The following KCNQ4 variants were observed in gnomAD, a reference collection of about 807,000 sequenced individuals.
KCNQ4 encodes potassium voltage-gated channel subfamily Q member 4, also known as potassium voltage-gated channel subfamily KQT member 4.
Under a neutral mutation model 72.6 loss-of-function variants are expected in KCNQ4, and 31 were observed. That is an observed-to-expected ratio of 0.43 (90% CI 0.32 to 0.58). The LOEUF (loss-of-function observed/expected upper bound fraction) is 0.58, where lower values mean the gene tolerates loss of function less well. KCNQ4 is among the 20% of genes least tolerant of loss of function. The pLI, the probability that KCNQ4 is intolerant of heterozygous loss-of-function variation, is 0.08. For missense variants in KCNQ4, 869 were observed against 962.6 expected (o/e 0.90, Z 1.29); for synonymous variants, 405 against 403.7 (o/e 1.00, Z -0.04).
intron 9 of KCNQ4, among the ~76,000 whole-genome samples, 155 bp downstream of exon 9, chr1:40,824,413 G>T (rs1356326549): frequency 1.3e-5 from 2 of 152,238 alleles, no homozygotes; most frequent in Non-Finnish European, 2.9e-5. Context: ...GACAGGTACA[G>T]ACTGAGGGCC....
chr1:40,838,268 C>G, intron 13 of KCNQ4, 43 bp from the exon 14 acceptor site: 1 of 1,581,376 alleles, frequency 6.3e-7, no homozygotes, highest in Non-Finnish European at 8.7e-7. Context: ...GCCGCGTCCC[C>G]TCCGGTCCCA....
In KCNQ4 at chr1:40,838,303, GT is replaced by G. The variant is rs1017902786; in HGVS notation, c.1876-7del. ...AGGCCCTGCTTCCCAGCTGCGCCCC[GT>G]CCCCAGGTGCAGTCCATCGAGCACA... is the stretch of plus-strand genomic sequence containing the variant. On this transcript the variant is annotated splice_region_variant and splice_polypyrimidine_tract_variant and intron_variant, in intron 13 of 13. Coordinates refer to ENST00000347132, the MANE Select transcript of KCNQ4 (RefSeq NM_004700.4). 9 of 1,611,378 alleles carry G rather than the reference GT, an allele frequency of 5.6e-6. No homozygotes were observed. The African/African-American group carries it at 1.2e-4, about 22-fold the overall frequency.
Position 40,840,330 on chromosome 1 carries a change from A to G in KCNQ4, c.*1807A>G, listed in dbSNP as rs1013871276. The G allele has an allele frequency of 6.6e-6, 1 of 152,242 alleles. No homozygotes were observed. Among genetic ancestry groups the G allele is most frequent in the Non-Finnish European group, 1.5e-5 (1 of 68,044 alleles). The allele number at this position is 152,242 out of a possible 1,614,324, so 9.4% of individuals were successfully genotyped here. On this transcript the variant is annotated 3_prime_UTR_variant, in exon 14 of 14. Coordinates refer to ENST00000347132, the MANE Select transcript of KCNQ4 (RefSeq NM_004700.4). ...GGGATTACCCTATGACCAAGGAGAC[A>G]TGGGAAGAAGCCCTCCTTCCTTCCA... is the stretch of plus-strand genomic sequence containing the variant.
chr1:40,838,189 G>T, intron 13 of KCNQ4, 122 bp from the exon 14 acceptor site: 1 of 851,750 alleles, frequency 1.2e-6, no homozygotes, highest in Non-Finnish European at 1.9e-6. Flanking sequence ...GGCGGGATTT[G>T]TGCTTCCCAG....
At position 40,784,332 on chromosome 1, in the gene KCNQ4, A is replaced by ACCG. The variant is rs769859021; in HGVS notation, c.245_247dup (p.Arg82dup). ...CGCTCCTCGGCCGCGCACAAGCGCT[A>ACCG]CCGCCGCCTGCAGAACTGGGTCTAC... On this transcript the variant is annotated inframe_insertion, in exon 1 of 14. Coordinates refer to ENST00000347132, the MANE Select transcript of KCNQ4 (RefSeq NM_004700.4). The surrounding 1 kb of genome is among the most constrained non-coding windows in gnomAD (Gnocchi z 4.1). 13 of 1,608,332 alleles carry ACCG rather than the reference A, an allele frequency of 8.1e-6. No homozygotes were observed. In the African/African-American group the frequency reaches 1.2e-4, roughly 15 times the overall value.
rs534753680 is a variant in KCNQ4, at chr1:40,819,681, A to C, written c.835-194A>C. 5.4e-5 allele frequency among the ~76,000 whole-genome samples: 8 copies of C among 148,958 alleles called. No individual in the cohort carries two copies. In the East Asian group the frequency reaches 1.6e-3, roughly 30 times the overall value. Reference sequence around the variant, plus strand: ...CCTCTGTCCCCAGCTAGCCCCGCACATCAAGACCTTGTGACTATACCCCTT... The same window carrying C: ...CCTCTGTCCCCAGCTAGCCCCGCACCTCAAGACCTTGTGACTATACCCCTT... On this transcript the variant is annotated intron_variant, in intron 5 of 13. Transcript: ENST00000347132.
intron 12 of KCNQ4, among the ~76,000 whole-genome samples, chr1:40,836,889 A>G (rs1164463280): frequency 6.6e-6 from 1 of 152,146 alleles, no homozygotes; most frequent in Non-Finnish European, 1.5e-5. Flanking sequence ...AGTAGGTTTA[A>G]GAGAGAAGGG....
chr1:40,832,479 CCT>C (rs752364032), intron 10 of KCNQ4, among the ~76,000 whole-genome samples: 42 of 152,226 alleles, frequency 2.8e-4, no homozygotes, highest in Non-Finnish European at 4.6e-4. Context: ...GACAGCATCA[CCT>C]CTCTGCGCAA....
At chr1:40,789,679 C>T (rs1471873861) in intron 1 of KCNQ4, among the ~76,000 whole-genome samples, 3 of 152,172 alleles carry the variant, frequency 2.0e-5, no homozygotes, top group East Asian at 1.9e-4. Flanking sequence ...ATTGAAGACG[C>T]GCTGCTAGAT....
At chr1:40,801,974 C>A (rs936054535) in intron 1 of KCNQ4, among the ~76,000 whole-genome samples, 1 of 152,068 alleles carries the variant, frequency 6.6e-6, no homozygotes, top group African/African-American at 2.4e-5. Context: ...ACCTCAGCTC[C>A]AGTATTCTCC....
rs192864055 is a variant in KCNQ4 at position 40,829,797 on chromosome 1, G to A, written c.1293-1287G>A. Among the ~76,000 whole-genome samples the A allele has an allele frequency of 5.3e-5, 8 of 152,230 alleles. No individual in the cohort carries two copies. The East Asian group carries it at 1.2e-3, about 22-fold the overall frequency. On this transcript the variant is annotated intron_variant, in intron 9 of 13. Coordinates refer to ENST00000347132, the MANE Select transcript of KCNQ4 (RefSeq NM_004700.4). ...CCCTGAACCCGAACCTGAACCTGTC[G>A]GAATCTCTAGTGGCAAACCACAGCA...
At chr1:40,807,546 C>G (rs952426759) in intron 1 of KCNQ4, among the ~76,000 whole-genome samples, 3 of 152,288 alleles carry the variant, frequency 2.0e-5, no homozygotes, top group Admixed American at 2.0e-4. Flanking sequence ...GAAAGAGCCT[C>G]GCTCTGAGGC....
At chr1:40,808,193 CG>C (rs1400176013) in intron 1 of KCNQ4, among the ~76,000 whole-genome samples, 1 of 151,620 alleles carries the variant, frequency 6.6e-6, no homozygotes, top group African/African-American at 2.4e-5. Flanking sequence ...GCTGGAAAGA[CG>C]AGGGAAGGAA....
In KCNQ4 at chr1:40,820,151, C is replaced by T; in HGVS notation, c.946-14C>T. On this transcript the variant is annotated splice_polypyrimidine_tract_variant and intron_variant, in intron 6 of 13. Transcript: ENST00000347132. ...CTGCCAGCACATTCCCCCAACCATG[C>T]CCTATCCCTCTAGGGCATCCTAGGC... is the stretch of plus-strand genomic sequence containing the variant. The T allele has an allele frequency of 1.3e-6, 2 of 1,599,718 alleles. No individual in the cohort carries two copies. The highest frequency in any genetic ancestry group is 1.7e-6 in the Non-Finnish European group (2 of 1,171,970).
At chr1:40,790,778 C>T (rs552761464) in intron 1 of KCNQ4, among the ~76,000 whole-genome samples, 4 of 152,300 alleles carry the variant, frequency 2.6e-5, no homozygotes, top group Non-Finnish European at 5.9e-5. Flanking sequence ...CTGTACCCTG[C>T]CTGGCAGAGT....
In KCNQ4 at chr1:40,817,216, G is replaced by A; in HGVS notation, c.315-49G>A. Reference sequence around the variant, plus strand: ...ACCCCCTGCCAGGGGCACCTTGGCTGTCCTGTCCCTCCAACAATCTAACCC... The same window carrying A: ...ACCCCCTGCCAGGGGCACCTTGGCTATCCTGTCCCTCCAACAATCTAACCC... On this transcript the variant is annotated intron_variant, in intron 1 of 13. Transcript: ENST00000347132. This position sits in a 1 kb window ranked among gnomAD's most constrained non-coding sequence, Gnocchi z 5.5. The A allele has an allele frequency of 2.0e-6, 3 of 1,511,450 alleles. No homozygotes were observed. The highest frequency in any genetic ancestry group is 1.8e-6 in the Non-Finnish European group (2 of 1,090,470). 93.6% of individuals were successfully genotyped at this position (1,511,450 alleles called of 1,614,324 possible).
At position 40,784,261 on chromosome 1, in the gene KCNQ4, G is replaced by T; in HGVS notation, c.168G>T (p.Ala56=). 3 of 1,420,794 alleles carry T rather than the reference G, an allele frequency of 2.1e-6. No individual in the cohort carries two copies. The highest frequency in any genetic ancestry group is 1.5e-5 in the African/African-American group (1 of 66,218). 88.0% of individuals were successfully genotyped at this position (1,420,794 alleles called of 1,614,324 possible). Residue 56 remains alanine (A), a synonymous_variant, in exon 1 of 14, where the codon GCG becomes GCT. Transcript: ENST00000347132. This position sits in a 1 kb window ranked among gnomAD's most constrained non-coding sequence, Gnocchi z 4.1. ...GLLGSPLPPG[A]PLPGPGSGSG... The stretch of plus-strand genomic sequence containing the variant: ...TGGGCAGCCCCCTGCCGCCGGGCGC[G>T]CCCCTCCCTGGGCCGGGCTCCGGCT...
chr1:40,826,082 G>C (rs962216568), intron 9 of KCNQ4, among the ~76,000 whole-genome samples: 3 of 152,122 alleles, frequency 2.0e-5, no homozygotes, highest in Non-Finnish European at 4.4e-5. Context: ...CAGGCCCAAT[G>C]GCCGTATCGT....
intron 1 of KCNQ4, among the ~76,000 whole-genome samples, chr1:40,800,626 G>T (rs1647545174): frequency 6.6e-6 from 1 of 152,106 alleles, no homozygotes; most frequent in Non-Finnish European, 1.5e-5. Flanking sequence ...AGTCCCACTC[G>T]CTGAAACTCA....
Sources: allele counts gnomAD v4.1 joint callset (sites outside exome capture counted in the v4.1 genomes callset), GRCh38; gene constraint gnomAD v4.1.1; non-coding constraint Gnocchi (gnomAD v3.1); transcripts MANE v1.5; gene names NCBI Gene and HGNC (gene_info 2026-07-23, HGNC 2026-07-21).